Variants in DDX60 observed in about 807,000 individuals in gnomAD.
The protein encoded by DDX60 is probable ATP-dependent RNA helicase DDX60.
Under a neutral mutation model 212.8 loss-of-function variants are expected in DDX60, and 165 were observed. The observed-to-expected ratio is 0.78, with a 90% CI of 0.68 to 0.88. DDX60 has a LOEUF of 0.88. Among genes scored for constraint, DDX60 ranks in the 40% least tolerant of loss-of-function variants. The probability of loss-of-function intolerance (pLI) is 0.00; values close to 1 mark genes in which losing one functional copy is unlikely to be tolerated. For missense variants in DDX60, 1,905 were observed against 2,003.9 expected (o/e 0.95, Z 0.94); for synonymous variants, 703 against 685.3 (o/e 1.03, Z -0.40).
intron 14 of DDX60, among the ~76,000 whole-genome samples, chr4:168,279,385 C>T (rs559435382): frequency 3.3e-5 from 5 of 152,306 alleles, no homozygotes; most frequent in South Asian, 4.1e-4. Context: ...ACTGCTTCAG[C>T]GCCTTGACTA....
the DDX60 span, among the ~76,000 whole-genome samples, chr4:168,324,492 G>A: frequency 1.3e-5 from 2 of 152,198 alleles, no homozygotes; most frequent in African/African-American, 4.8e-5. Flanking sequence ...TACAGCATTT[G>A]TTGGAGGGGG....
In DDX60 at chr4:168,221,818, C is replaced by A; in HGVS notation, c.4888G>T (p.Asp1630Tyr). Reference sequence around the variant, plus strand: ...AGCGACATTTTCCTTCCTCGGTTATCAAATTTCTGTGACAACAGCACTGGA... The same window carrying A: ...AGCGACATTTTCCTTCCTCGGTTATAAAATTTCTGTGACAACAGCACTGGA... ...QAPVLLSQKFDNRGRKMSLNA... is the reference protein window; with the variant it reads ...QAPVLLSQKFYNRGRKMSLNA... The change falls in exon 36 of 38, where the codon GAT (aspartate) becomes TAT (tyrosine). Residue 1630 changes from aspartate to tyrosine, a missense_variant. Coordinates refer to ENST00000393743, the MANE Select transcript of DDX60 (RefSeq NM_017631.6). 1 of 1,613,304 alleles carries A rather than the reference C, an allele frequency of 6.2e-7. No individual in the cohort carries two copies. The highest frequency in any genetic ancestry group is 8.5e-7 in the Non-Finnish European group (1 of 1,179,548).
Position 168,224,397 on chromosome 4 carries a change from A to T in DDX60, c.4682-12T>A. 1 of 1,610,044 alleles carries T rather than the reference A, an allele frequency of 6.2e-7. No homozygotes were observed. Among genetic ancestry groups the T allele is most frequent in the African/African-American group, 1.3e-5 (1 of 74,900 alleles). Reference sequence around the variant, plus strand: ...TTTACCTGTGAATTCTGACAATAATAGTTAGGGATAGATTAGTGTTTTGAA... The same window carrying T: ...TTTACCTGTGAATTCTGACAATAATTGTTAGGGATAGATTAGTGTTTTGAA... On this transcript the variant is annotated splice_polypyrimidine_tract_variant and intron_variant, in intron 34 of 37. Coordinates refer to ENST00000393743, the MANE Select transcript of DDX60 (RefSeq NM_017631.6).
intron 37 of DDX60, among the ~76,000 whole-genome samples, chr4:168,220,159 G>A (rs1732999397): frequency 6.6e-6 from 1 of 152,178 alleles, no homozygotes; most frequent in Admixed American, 6.6e-5. Flanking sequence ...ACTAGGTTTT[G>A]TTAAAGGTGA....
rs145144481 is a variant in DDX60 at position 168,254,094 on chromosome 4, T to C, written c.3558-1438A>G. On this transcript the variant is annotated intron_variant, in intron 26 of 37. Coordinates refer to ENST00000393743, the MANE Select transcript of DDX60 (RefSeq NM_017631.6). ...CCACATATTATTGCCTCACTGTAAG[T>C]TTTTAGTCAAGGTAATAAACCGTCA... 1.2e-4 allele frequency among the ~76,000 whole-genome samples: 19 copies of C among 152,340 alleles called. No homozygotes were observed. The East Asian group carries it at 3.7e-3, about 29-fold the overall frequency.
chr4:168,305,589 AATTT>A (rs1454429271), intron 5 of DDX60, among the ~76,000 whole-genome samples: 1 of 149,182 alleles, frequency 6.7e-6, no homozygotes, highest in East Asian at 1.9e-4. Context: ...TCTTATTTAT[AATTT>A]ATTATGTAAA....
rs147255464 is a variant in DDX60, at chr4:168,314,377, A to T, written c.-106-3012T>A. Among the ~76,000 whole-genome samples, 973 of 152,204 alleles carry T rather than the reference A, an allele frequency of 6.4e-3. 10 individuals are homozygous for T. The highest frequency in any genetic ancestry group is 8.8e-3 in the Non-Finnish European group (595 of 67,992). ...CCAATAGACATTTGAGGCACACAAA[A>T]AAAGCAAAAATAAGAAACCAGATGA... On this transcript the variant is annotated intron_variant, in intron 1 of 37. Transcript: ENST00000393743.
Position 168,221,809 on chromosome 4 carries a change from C to T in DDX60, c.4897G>A (p.Gly1633Arg), listed in dbSNP as rs61731353. ...TAGGCATTAAGCGACATTTTCCTTC[C>T]TCGGTTATCAAATTTCTGTGACAAC... Reference protein sequence around the residue: ...VLLSQKFDNRGRKMSLNAYAL... With the variant: ...VLLSQKFDNRRRKMSLNAYAL... The change falls in exon 36 of 38, where the codon GGA becomes AGA. Residue 1633 changes from glycine (G) to arginine (R), a missense_variant. Physicochemically the swap from Gly to Arg is moderately radical, Grantham distance 125 (BLOSUM62 -2). Coordinates refer to ENST00000393743, the MANE Select transcript of DDX60 (RefSeq NM_017631.6). 4.4e-4 allele frequency: 708 copies of T among 1,613,268 alleles called. 5 individuals carry two copies. The African/African-American group carries it at 8.4e-3, about 19-fold the overall frequency.
intron 30 of DDX60, among the ~76,000 whole-genome samples, chr4:168,239,077 A>T (rs1008244776): frequency 6.6e-6 from 1 of 152,194 alleles, no homozygotes; most frequent in Non-Finnish European, 1.5e-5. Flanking sequence ...ACAATAGATC[A>T]AATCTTCTTA....
Position 168,285,384 on chromosome 4 carries a change from G to T in DDX60, c.1445+9C>A. The T allele has an allele frequency of 1.3e-6, 2 of 1,545,074 alleles. No individual in the cohort carries two copies. Among genetic ancestry groups the T allele is most frequent in the Non-Finnish European group, 8.9e-7 (1 of 1,123,202 alleles). ...AGTATTTATTGAGGCACAGTTTTTG[G>T]CCTTATACCTCTTTAGAAAAGGCAA... is the stretch of plus-strand genomic sequence containing the variant. On this transcript the variant is annotated intron_variant, in intron 11 of 37. Coordinates refer to ENST00000393743, the MANE Select transcript of DDX60 (RefSeq NM_017631.6).
rs1296484823 is a variant in DDX60, at chr4:168,248,383, A to G, written c.3859-91T>C. The G allele has an allele frequency of 1.8e-5, 16 of 907,694 alleles. 1 individual carries two copies. The Admixed American group carries it at 1.9e-4, about 11-fold the overall frequency. The allele number at this position is 907,694 out of a possible 1,614,324, so 56.2% of individuals were successfully genotyped here. A position where few individuals can be genotyped will look rare whatever the true frequency, so the allele number is the denominator to read the frequency against. ...CATAAAGTTGCTGAAAAACTCTTTG[A>G]GCTTCAATTAAGCCACAATGGGAAA... On this transcript the variant is annotated intron_variant, in intron 28 of 37. Coordinates refer to ENST00000393743, the MANE Select transcript of DDX60 (RefSeq NM_017631.6).
At chr4:168,273,234 C>G in intron 18 of DDX60, 45 bp downstream of exon 18, 1 of 1,573,616 alleles carries the variant, frequency 6.4e-7, no homozygotes, top group Non-Finnish European at 8.7e-7. Flanking sequence ...CATACAAGTA[C>G]AGTTATATAA....
chr4:168,238,640 C>G (rs1733727492), intron 30 of DDX60, among the ~76,000 whole-genome samples: 1 of 152,002 alleles, frequency 6.6e-6, no homozygotes, highest in Non-Finnish European at 1.5e-5. Flanking sequence ...CCTCTTCGCT[C>G]TCATATGCCA....
intron 16 of DDX60, among the ~76,000 whole-genome samples, chr4:168,274,857 G>C (rs531051646): frequency 6.6e-5 from 10 of 152,244 alleles, no homozygotes; most frequent in Admixed American, 1.3e-4. Context: ...AGTTGGTATG[G>C]TTCAATGTAT....
chr4:168,275,318 T>C (rs764193563), intron 16 of DDX60, 27 bp downstream of exon 16: 1 of 1,568,474 alleles, frequency 6.4e-7, no homozygotes, highest in South Asian at 1.2e-5. Flanking sequence ...GAAAATACAG[T>C]AATTTTTGTT....
chr4:168,268,067 C>T, intron 20 of DDX60, 84 bp from the exon 21 acceptor site: 1 of 1,202,378 alleles, frequency 8.3e-7, no homozygotes, highest in Non-Finnish European at 1.2e-6. Context: ...AAGACAATTT[C>T]ATCTTCCTTA....
rs775659568 is a variant in DDX60, at chr4:168,268,908, C to T, written c.2732G>A (p.Arg911Gln). Residue 911 changes from arginine to glutamine, a missense_variant, in exon 20 of 38, where the codon CGA (arginine) becomes CAA (glutamine). By Grantham distance (43) the Arg-to-Gln change is conservative (BLOSUM62 1). Coordinates refer to ENST00000393743, the MANE Select transcript of DDX60 (RefSeq NM_017631.6). ...EIWEHLLVMI[R>Q]CPFLALSATI... is the part of the protein sequence containing the mutation. ...AGCTGAAAGAGCCAAAAAGGGACAT[C>T]GGATCATGACAAGGAGATGTTCCCA... 8 of 1,596,462 alleles carry T rather than the reference C, an allele frequency of 5.0e-6. No individual in the cohort carries two copies. Among genetic ancestry groups the T allele is most frequent in the Non-Finnish European group, 5.1e-6 (6 of 1,168,982 alleles).
At chr4:168,224,139 T>C in intron 35 of DDX60, 104 bp downstream of exon 35, 1 of 1,292,176 alleles carries the variant, frequency 7.7e-7, no homozygotes, top group Non-Finnish European at 1.1e-6. Flanking sequence ...ATTTTTTTTT[T>C]CCTTTTTAAG....
chr4:168,248,175 C>A lies in DDX60; in HGVS notation c.3963+13G>T, dbSNP rs145592634. ...CAGCAATACAATAAGCAAGTTTATG[C>A]ATTTTGCAATACCTGTCTATAATTC... is the stretch of plus-strand genomic sequence containing the variant. On this transcript the variant is annotated intron_variant, in intron 29 of 37. Coordinates refer to ENST00000393743, the MANE Select transcript of DDX60 (RefSeq NM_017631.6). 7.7e-6 allele frequency: 12 copies of A among 1,565,522 alleles called. No individual in the cohort carries two copies. Among genetic ancestry groups the A allele is most frequent in the Middle Eastern group, 3.4e-4 (2 of 5,902 alleles).
Sources: allele counts gnomAD v4.1 joint callset (sites outside exome capture counted in the v4.1 genomes callset), GRCh38; gene constraint gnomAD v4.1.1; transcripts MANE v1.5; gene names NCBI Gene and HGNC (gene_info 2026-07-23, HGNC 2026-07-21).